The following RFTN1 variants were observed in gnomAD, a reference collection of about 807,000 sequenced individuals.
RFTN1 encodes the protein raftlin.
RFTN1 carries 26 observed loss-of-function variants against 46.5 expected under a neutral mutation model. The observed-to-expected ratio is 0.56, with a 90% CI of 0.41 to 0.78. The LOEUF is 0.78. Ranked by LOEUF, RFTN1 falls within the 30% of genes least tolerant of loss-of-function variation. The pLI is 0.00. For missense variants in RFTN1, 693 were observed against 718.7 expected (o/e 0.96, Z 0.41); for synonymous variants, 261 against 284.2 (o/e 0.92, Z 0.82).
Position 16,443,254 on chromosome 3 carries a change from ATAG to A in RFTN1, c.146-9220_146-9218del, listed in dbSNP as rs1285507987. Among the ~76,000 whole-genome samples, 3 of 152,126 alleles carry A rather than the reference ATAG, an allele frequency of 2.0e-5. No individual in the cohort carries two copies. Among genetic ancestry groups the A allele is most frequent in the Admixed American group, 6.5e-5 (1 of 15,272 alleles). ...ACACTTCTTATCTCTTGTATTTTTG[ATAG>A]TAGCCATTCTAACAGGTGTGAGCTG... is the stretch of plus-strand genomic sequence containing the variant. On this transcript the variant is annotated intron_variant, in intron 2 of 9. Coordinates refer to ENST00000334133, the MANE Select transcript of RFTN1 (RefSeq NM_015150.2). The surrounding 1 kb of genome is among the most constrained non-coding windows in gnomAD (Gnocchi z 5.5).
chr3:16,329,040 T>C lies in RFTN1; in HGVS notation c.1147-2164A>G, dbSNP rs2070021978. On this transcript the variant is annotated intron_variant, in intron 7 of 9. Transcript: ENST00000334133. The surrounding 1 kb of genome is among the most constrained non-coding windows in gnomAD (Gnocchi z 4.5). ...AAACTTAATCCCCAATGCAATGACA[T>C]TGAATGGTGAGGCCTGGTGGGAGTG... Among the ~76,000 whole-genome samples the C allele has an allele frequency of 6.6e-6, 1 of 152,180 alleles. No homozygotes were observed. The highest frequency in any genetic ancestry group is 2.4e-5 in the African/African-American group (1 of 41,448).
At chr3:16,398,157 G>A (rs2074514431) in intron 4 of RFTN1, among the ~76,000 whole-genome samples, 3 of 148,542 alleles carry the variant, frequency 2.0e-5, no homozygotes. Context: ...TGAGGCAGGA[G>A]AATGGCTTGA....
At chr3:16,501,790 A>G (rs1234004664) in intron 1 of RFTN1, among the ~76,000 whole-genome samples, 4 of 152,256 alleles carry the variant, frequency 2.6e-5, no homozygotes, top group African/African-American at 9.6e-5. Flanking sequence ...TTAAAAGTTC[A>G]GTAGAGTATT....
At chr3:16,326,315 A>T (rs568798) in intron 8 of RFTN1, among the ~76,000 whole-genome samples, 2 of 152,116 alleles carry the variant, frequency 1.3e-5, no homozygotes, top group Non-Finnish European at 2.9e-5. Context: ...ATCTTGGCCA[A>T]GTCCCTCAAC....
At position 16,474,110 on chromosome 3, in the gene RFTN1, C is replaced by T. The variant is rs1319581337; in HGVS notation, c.145+19615G>A. Among the ~76,000 whole-genome samples, 1 of 152,220 alleles carries T rather than the reference C, an allele frequency of 6.6e-6. No individual in the cohort carries two copies. The highest frequency in any genetic ancestry group is 1.5e-5 in the Non-Finnish European group (1 of 68,042). ...AATCTTGCACTTACATTTGACTCTT[C>T]TTTGCATTTGGTATAAAAATAGCTA... On this transcript the variant is annotated intron_variant, in intron 2 of 9. Transcript: ENST00000334133. This position sits in a 1 kb window ranked among gnomAD's most constrained non-coding sequence, Gnocchi z 5.5.
Position 16,447,703 on chromosome 3 carries a change from T to G in RFTN1, c.146-13666A>C, listed in dbSNP as rs1380322067. On this transcript the variant is annotated intron_variant, in intron 2 of 9. Coordinates refer to ENST00000334133, the MANE Select transcript of RFTN1 (RefSeq NM_015150.2). The surrounding 1 kb of genome is among the most constrained non-coding windows in gnomAD (Gnocchi z 5.9). The stretch of plus-strand genomic sequence containing the variant: ...ATGGTCAGGGGGATGTTCTTCAGAC[T>G]AATACAACGAAGCAATCAGGTGAAA... Among the ~76,000 whole-genome samples, 1 of 152,204 alleles carries G rather than the reference T, an allele frequency of 6.6e-6. No individual in the cohort carries two copies. Among genetic ancestry groups the G allele is most frequent in the Non-Finnish European group, 1.5e-5 (1 of 68,026 alleles).
At chr3:16,477,880 T>C (rs1330061932) in intron 2 of RFTN1, among the ~76,000 whole-genome samples, 1 of 152,216 alleles carries the variant, frequency 6.6e-6, no homozygotes, top group Non-Finnish European at 1.5e-5. Context: ...TTCTTAAACA[T>C]ATAATTTAAT....
At chr3:16,360,515 G>C (rs570036773) in intron 6 of RFTN1, among the ~76,000 whole-genome samples, 4 of 152,268 alleles carry the variant, frequency 2.6e-5, no homozygotes, top group Admixed American at 2.6e-4. Context: ...TAAAGGTATG[G>C]TGATATGCAA....
At chr3:16,482,186 C>T (rs959074438) in intron 2 of RFTN1, among the ~76,000 whole-genome samples, 3 of 152,166 alleles carry the variant, frequency 2.0e-5, no homozygotes, top group Admixed American at 6.5e-5. Context: ...CACATGGAGT[C>T]GGAAGACCTC....
At chr3:16,358,144 A>G (rs1170848970) in intron 6 of RFTN1, 97 bp from the exon 7 acceptor site, 1 of 705,848 alleles carries the variant, frequency 1.4e-6, no homozygotes, top group African/African-American at 1.8e-5. Flanking sequence ...ATTCATTAAT[A>G]ATCCCAATCA....
chr3:16,438,522 T>C (rs1184349619), intron 2 of RFTN1, among the ~76,000 whole-genome samples: 1 of 129,012 alleles, frequency 7.8e-6, no homozygotes, highest in East Asian at 2.4e-4. Context: ...GAGGCAGAGG[T>C]TGCAGTGAGC....
In RFTN1 at chr3:16,410,389, T is replaced by C. The variant is rs2074960677; in HGVS notation, c.333-906A>G. ...GGGGAATGGGGAAGGCTTATGTGGA[T>C]GGGGATGGGGATGGGTGGTGATGGT... On this transcript the variant is annotated intron_variant, in intron 3 of 9. Transcript: ENST00000334133. The surrounding 1 kb of genome is among the most constrained non-coding windows in gnomAD (Gnocchi z 4.6). 1.3e-5 allele frequency among the ~76,000 whole-genome samples: 2 copies of C among 151,956 alleles called. No homozygotes were observed. Among genetic ancestry groups the C allele is most frequent in the African/African-American group, 4.8e-5 (2 of 41,346 alleles).
At chr3:16,491,749 AAAACAAACAAAC>A (rs150594734) in intron 2 of RFTN1, among the ~76,000 whole-genome samples, 1 of 151,672 alleles carries the variant, frequency 6.6e-6, no homozygotes, top group African/African-American at 2.4e-5. Context: ...CACGATGCAA[AAAACAAACAAAC>A]AAACAAACAA....
At chr3:16,349,423 A>G (rs1211955332) in intron 7 of RFTN1, 3 of 152,298 alleles carry the variant, frequency 2.0e-5, no homozygotes, top group Non-Finnish European at 2.9e-5. Context: ...AGTAAGGCAA[A>G]CCCAAAAGAG....
chr3:16,323,141 C>T (rs1480364405), intron 9 of RFTN1, among the ~76,000 whole-genome samples: 2 of 152,184 alleles, frequency 1.3e-5, no homozygotes, highest in African/African-American at 2.4e-5. Flanking sequence ...GAGCCTCTCT[C>T]CTCCATCCTT....
intron 2 of RFTN1, among the ~76,000 whole-genome samples, chr3:16,490,222 T>G (rs1193893174): frequency 2.6e-5 from 4 of 152,232 alleles, no homozygotes; most frequent in African/African-American, 9.6e-5. Context: ...ATATATGATG[T>G]AATCAAAATG....
chr3:16,440,697 G>GC lies in RFTN1; in HGVS notation c.146-6661dup, dbSNP rs147792004. Among the ~76,000 whole-genome samples, 5 of 151,016 alleles carry GC rather than the reference G, an allele frequency of 3.3e-5. No homozygotes were observed. Among genetic ancestry groups the GC allele is most frequent in the African/African-American group, 9.9e-5 (4 of 40,458 alleles). ...GATGGTTACTGCTAATGGGGGGGGG[G>GC]CCCAATGGTGCCAGAACTTCTAACT... On this transcript the variant is annotated intron_variant, in intron 2 of 9. Coordinates refer to ENST00000334133, the MANE Select transcript of RFTN1 (RefSeq NM_015150.2). The surrounding 1 kb of genome is among the most constrained non-coding windows in gnomAD (Gnocchi z 4.6).
intron 4 of RFTN1, among the ~76,000 whole-genome samples, chr3:16,403,455 G>A (rs1042143356): frequency 6.7e-6 from 1 of 148,458 alleles, no homozygotes; most frequent in African/African-American, 2.5e-5. Flanking sequence ...TTTGCCTAAC[G>A]CATGAGGAGG....
rs560039440 is a variant in RFTN1, at chr3:16,493,300, C to T, written c.145+425G>A. 2.6e-5 allele frequency among the ~76,000 whole-genome samples: 4 copies of T among 151,628 alleles called. No homozygotes were observed. The East Asian group carries it at 5.8e-4, about 22-fold the overall frequency. ...AGGCTGGAGTGCAGTGGCGTGATCT[C>T]GGCTCACTGCAACCTCCGCCTCGTG... On this transcript the variant is annotated intron_variant, in intron 2 of 9. Coordinates refer to ENST00000334133, the MANE Select transcript of RFTN1 (RefSeq NM_015150.2).
Sources: allele counts gnomAD v4.1 joint callset (sites outside exome capture counted in the v4.1 genomes callset), GRCh38; gene constraint gnomAD v4.1.1; non-coding constraint Gnocchi (gnomAD v3.1); transcripts MANE v1.5; gene names NCBI Gene and HGNC (gene_info 2026-07-23, HGNC 2026-07-21).